Variants in TSHZ2 observed in about 807,000 individuals in gnomAD.
TSHZ2 encodes the protein teashirt zinc finger homeobox 2.
Under a neutral mutation model 74.4 loss-of-function variants are expected in TSHZ2, and 21 were observed. The ratio of observed to expected loss-of-function variants is 0.28; its 90% confidence interval spans 0.20 to 0.41. The LOEUF is 0.41. Ranked by LOEUF, TSHZ2 falls within the 10% of genes least tolerant of loss-of-function variation. TSHZ2 has a pLI of 1.00. For synonymous variants in TSHZ2, 540 were observed against 515.3 expected, an observed-to-expected ratio of 1.05 and a Z score of -0.65; for missense variants, 1,244 against 1,293.5, an observed-to-expected ratio of 0.96 and a Z score of 0.59.
In TSHZ2 at chr20:53,223,547, A is replaced by G. The variant is rs148193363; in HGVS notation, c.41-29952A>G. Among the ~76,000 whole-genome samples, 139 of 152,156 alleles carry G rather than the reference A, an allele frequency of 9.1e-4. 2 individuals are homozygous for G. The East Asian group carries it at 0.02, about 22-fold the overall frequency. On this transcript the variant is annotated intron_variant, in intron 1 of 2. Coordinates refer to ENST00000371497, the MANE Select transcript of TSHZ2 (RefSeq NM_173485.6). ...GCTGGGACTACAGATATGTGCCACC[A>G]CTTCAGGCTATTTTTTAAAATTTCT... is the stretch of plus-strand genomic sequence containing the variant.
At chr20:52,977,992 T>A (rs897328480) in intron 1 of TSHZ2, among the ~76,000 whole-genome samples, 3 of 152,218 alleles carry the variant, frequency 2.0e-5, no homozygotes, top group African/African-American at 7.2e-5. Context: ...ATTCTACTGC[T>A]ACACTTTGGG....
chr20:53,136,931 G>T (rs575694392), intron 1 of TSHZ2, among the ~76,000 whole-genome samples: 1 of 151,762 alleles, frequency 6.6e-6, no homozygotes, highest in Non-Finnish European at 1.5e-5. Flanking sequence ...AAGATATTCC[G>T]ATCTTACATA....
In TSHZ2 at chr20:53,216,917, G is replaced by A. The variant is rs575185181; in HGVS notation, c.41-36582G>A. ...TCCTGGCGACTCACTTCACCGCCCG[G>A]AGAATTCCGTGCAGGGCTCCAGCGG... is the stretch of plus-strand genomic sequence containing the variant. On this transcript the variant is annotated intron_variant, in intron 1 of 2. Coordinates refer to ENST00000371497, the MANE Select transcript of TSHZ2 (RefSeq NM_173485.6). Among the ~76,000 whole-genome samples, 13 of 152,280 alleles carry A rather than the reference G, an allele frequency of 8.5e-5. No individual in the cohort carries two copies. In the East Asian group the frequency reaches 2.5e-3, roughly 29 times the overall value.
At chr20:53,139,513 G>C (rs1987335248) in intron 1 of TSHZ2, among the ~76,000 whole-genome samples, 1 of 152,184 alleles carries the variant, frequency 6.6e-6, no homozygotes, top group Non-Finnish European at 1.5e-5. Context: ...CCAGCCTGGA[G>C]TACTTTCCTT....
intron 2 of TSHZ2, among the ~76,000 whole-genome samples, chr20:53,469,452 G>A (rs572288341): frequency 3.0e-4 from 45 of 152,104 alleles, no homozygotes; most frequent in African/African-American, 1.0e-3. Context: ...GCTGAGGCAT[G>A]AGAATCACTT....
intron 1 of TSHZ2, among the ~76,000 whole-genome samples, chr20:52,975,395 T>C (rs993261440): frequency 6.6e-6 from 1 of 152,170 alleles, no homozygotes; most frequent in African/African-American, 2.4e-5. Flanking sequence ...ATTATAATTA[T>C]CCTACGATCG....
intron 2 of TSHZ2, among the ~76,000 whole-genome samples, chr20:53,444,710 G>A (rs1024121300): frequency 6.6e-6 from 1 of 152,222 alleles, no homozygotes; most frequent in African/African-American, 2.4e-5. Context: ...ATGTCAAAGT[G>A]TCCACAAGCC....
intron 1 of TSHZ2, among the ~76,000 whole-genome samples, chr20:53,040,467 G>T (rs769030348): frequency 2.0e-5 from 3 of 152,140 alleles, no homozygotes; most frequent in Non-Finnish European, 4.4e-5. Flanking sequence ...TTGAGCCAAG[G>T]GGTGGCATGG....
At chr20:52,998,615 C>A (rs1250037392) in intron 1 of TSHZ2, among the ~76,000 whole-genome samples, 1 of 152,154 alleles carries the variant, frequency 6.6e-6, no homozygotes, top group Non-Finnish European at 1.5e-5. Flanking sequence ...CACCATATAC[C>A]TCACTGCCTT....
chr20:53,257,450 A>G (rs746391997), intron 2 of TSHZ2, among the ~76,000 whole-genome samples: 4 of 152,218 alleles, frequency 2.6e-5, no homozygotes, highest in Non-Finnish European at 5.9e-5. Flanking sequence ...TAGAAGTTCC[A>G]TGCCTTATAT....
intron 2 of TSHZ2, among the ~76,000 whole-genome samples, chr20:53,258,960 A>G (rs1404015094): frequency 6.6e-6 from 1 of 152,206 alleles, no homozygotes; most frequent in South Asian, 2.1e-4. Flanking sequence ...GTTTGTGTTC[A>G]TCGTAAAAAT....
chr20:52,989,611 T>G (rs1981900924), intron 1 of TSHZ2, among the ~76,000 whole-genome samples: 1 of 152,170 alleles, frequency 6.6e-6, no homozygotes, highest in African/African-American at 2.4e-5. Flanking sequence ...TATGAGAAGT[T>G]AAAAAGGTGA....
chr20:53,145,034 A>T (rs1007937071), intron 1 of TSHZ2, among the ~76,000 whole-genome samples: 1 of 152,244 alleles, frequency 6.6e-6, no homozygotes, highest in Non-Finnish European at 1.5e-5. Flanking sequence ...AGCAGGGAGA[A>T]ATGTAATTCC....
chr20:53,238,918 A>G (rs1272243262), intron 1 of TSHZ2, among the ~76,000 whole-genome samples: 2 of 151,714 alleles, frequency 1.3e-5, no homozygotes, highest in Admixed American at 6.6e-5. Flanking sequence ...GGTGATTTCA[A>G]TTGTTAATTC....
At chr20:53,110,967 G>A (rs1986518139) in intron 1 of TSHZ2, among the ~76,000 whole-genome samples, 1 of 152,202 alleles carries the variant, frequency 6.6e-6, no homozygotes, top group South Asian at 2.1e-4. Flanking sequence ...ATGTAGAATA[G>A]AAGGGTGGAT....
chr20:53,294,353 C>T (rs1406554126), intron 2 of TSHZ2, among the ~76,000 whole-genome samples: 1 of 152,086 alleles, frequency 6.6e-6, no homozygotes, highest in Non-Finnish European at 1.5e-5. Flanking sequence ...ATGTCTTATG[C>T]CTCAAATGTT....
chr20:53,155,588 G>A (rs902124000), intron 1 of TSHZ2, among the ~76,000 whole-genome samples: 3 of 151,724 alleles, frequency 2.0e-5, no homozygotes, highest in South Asian at 2.1e-4. Context: ...GAAGATACCC[G>A]GGACAGATCA....
chr20:53,300,586 T>C (rs989356530), intron 2 of TSHZ2, among the ~76,000 whole-genome samples: 6 of 152,216 alleles, frequency 3.9e-5, no homozygotes, highest in Non-Finnish European at 8.8e-5. Flanking sequence ...ACAACAGTTA[T>C]TCCCCCTTCC....
At position 53,341,834 on chromosome 20, in the gene TSHZ2, C is replaced by T. The variant is rs371639443; in HGVS notation, c.*8+85263C>T. Among the ~76,000 whole-genome samples, 4 of 152,112 alleles carry T rather than the reference C, an allele frequency of 2.6e-5. No homozygotes were observed. In the East Asian group the frequency reaches 5.8e-4, roughly 22 times the overall value. Reference sequence around the variant, plus strand: ...CAAGCGATTCTCCTGTCTCAGCCTCCCAAGTAGCTGGGATTACAGGCGTGT... The same window carrying T: ...CAAGCGATTCTCCTGTCTCAGCCTCTCAAGTAGCTGGGATTACAGGCGTGT... On this transcript the variant is annotated intron_variant, in intron 2 of 2. Transcript: ENST00000371497.
Sources: allele counts gnomAD v4.1 joint callset (sites outside exome capture counted in the v4.1 genomes callset), GRCh38; gene constraint gnomAD v4.1.1; transcripts MANE v1.5; gene names NCBI Gene and HGNC (gene_info 2026-07-23, HGNC 2026-07-21).